CYYR1: variants seen among roughly 807,000 people sequenced by gnomAD.
The protein encoded by CYYR1 is cysteine and tyrosine rich 1, also known as cysteine and tyrosine-rich protein 1.
Under a neutral mutation model 15.2 loss-of-function variants are expected in CYYR1, and 14 were observed. The ratio of observed to expected loss-of-function variants is 0.92; its 90% CI spans 0.61 to 1.44. The LOEUF is 1.44. Among genes scored for constraint, CYYR1 ranks in the 40% most tolerant of loss-of-function variants. CYYR1 has a pLI of 0.00. For synonymous variants in CYYR1, 80 were observed against 77.4 expected, an observed-to-expected ratio of 1.03 and a Z score of -0.18; for missense variants, 228 against 209.5, an observed-to-expected ratio of 1.09 and a Z score of -0.54.
At chr21:26,531,546 T>C (rs1243295272) in intron 2 of CYYR1, among the ~76,000 whole-genome samples, 1 of 152,134 alleles carries the variant, frequency 6.6e-6, no homozygotes, top group Non-Finnish European at 1.5e-5. Flanking sequence ...ATTTTCTCTC[T>C]CCTGCTCCAA....
rs1980576238 is a variant in CYYR1, at chr21:26,565,831, C to G, written c.176+435G>C. 5.3e-5 allele frequency among the ~76,000 whole-genome samples: 8 copies of G among 152,226 alleles called. 2 individuals carry two copies. In the South Asian group the frequency reaches 1.7e-3, roughly 32 times the overall value. ...GTCTCAACTGTTTTTTATTCATAAC[C>G]TCTCTTTTTCCTGACATCTACTGGA... On this transcript the variant is annotated intron_variant, in intron 2 of 3. Coordinates refer to ENST00000652641, the MANE Select transcript of CYYR1 (RefSeq NM_001320768.2).
intron 2 of CYYR1, among the ~76,000 whole-genome samples, chr21:26,498,410 T>C (rs866233513): frequency 6.6e-6 from 1 of 152,244 alleles, no homozygotes; most frequent in South Asian, 2.1e-4. Context: ...GAAAAGAGTA[T>C]TCAAGGAGAG....
In CYYR1 at chr21:26,573,095, G is replaced by C. The variant is rs1488605233; in HGVS notation, c.-155C>G. On this transcript the variant is annotated 5_prime_UTR_variant, in exon 1 of 4. Coordinates refer to ENST00000652641, the MANE Select transcript of CYYR1 (RefSeq NM_001320768.2). ...CCTAGGGAGCCTTCCAAGGGAGCCC[G>C]GGCCGGGCGCGTCCCGGGCCAGCGA... 6.6e-7 allele frequency: 1 copy of C among 1,525,688 alleles called. No individual in the cohort carries two copies. Among genetic ancestry groups the C allele is most frequent in the Admixed American group, 2.0e-5 (1 of 49,202 alleles). 94.5% of individuals were successfully genotyped at this position (1,525,688 alleles called of 1,614,324 possible). A position where few individuals can be genotyped will look rare whatever the true frequency, so the allele number is the denominator to read the frequency against.
At chr21:26,561,227 C>G (rs1020118715) in intron 2 of CYYR1, among the ~76,000 whole-genome samples, 1 of 152,020 alleles carries the variant, frequency 6.6e-6, no homozygotes, top group African/African-American at 2.4e-5. Context: ...AAGACTCCCA[C>G]AAGCTTTGAT....
Position 26,468,361 on chromosome 21 carries a change from A to G in CYYR1, c.*140T>C. On this transcript the variant is annotated 3_prime_UTR_variant, in exon 4 of 4. Coordinates refer to ENST00000652641, the MANE Select transcript of CYYR1 (RefSeq NM_001320768.2). ...GCAGAGTAGAAATCCTATATCTCCT[A>G]GCAGGGATATTCCACCTGACACATT... 1 of 718,164 alleles carries G rather than the reference A, an allele frequency of 1.4e-6. No homozygotes were observed. The highest frequency in any genetic ancestry group is 1.5e-5 in the South Asian group (1 of 66,942). The allele number at this position is 718,164 out of a possible 1,614,324, so 44.5% of individuals were successfully genotyped here.
At chr21:26,496,082 C>T (rs950736622) in intron 2 of CYYR1, among the ~76,000 whole-genome samples, 7 of 152,228 alleles carry the variant, frequency 4.6e-5, no homozygotes, top group African/African-American at 9.6e-5. Context: ...AATTAAATCA[C>T]AAAAATGCTG....
intron 2 of CYYR1, chr21:26,550,251 G>C (rs1979288789): frequency 6.6e-6 from 1 of 152,132 alleles, no homozygotes; most frequent in South Asian, 2.1e-4. Context: ...GAACTTAATT[G>C]ATAAATGTTG....
At chr21:26,567,954 C>T (rs1254634289) in intron 1 of CYYR1, 2 of 152,166 alleles carry the variant, frequency 1.3e-5, no homozygotes, top group Non-Finnish European at 2.9e-5. Context: ...TTTTACATTA[C>T]AGATTGTCAA....
chr21:26,538,300 T>A (rs1978329047), intron 2 of CYYR1, among the ~76,000 whole-genome samples: 1 of 152,140 alleles, frequency 6.6e-6, no homozygotes, highest in Admixed American at 6.6e-5. Flanking sequence ...AATCTTTGAG[T>A]TTTTCGTCTA....
chr21:26,531,826 G>A (rs565584145), intron 2 of CYYR1, among the ~76,000 whole-genome samples: 14 of 152,216 alleles, frequency 9.2e-5, no homozygotes, highest in South Asian at 4.1e-4. Flanking sequence ...CTTGAACAGC[G>A]TGCTAGCCAG....
intron 2 of CYYR1, 113 bp downstream of exon 2, chr21:26,566,153 A>G (rs1980598794): frequency 7.0e-6 from 5 of 714,530 alleles, no homozygotes; most frequent in Non-Finnish European, 1.2e-5. Context: ...CATGTCAATA[A>G]CCAATCTTGA....
chr21:26,492,882 G>A (rs896134161), intron 2 of CYYR1, among the ~76,000 whole-genome samples: 5 of 152,088 alleles, frequency 3.3e-5, no homozygotes, highest in South Asian at 2.1e-4. Context: ...TGCAAACTAG[G>A]TTCTATGAGA....
intron 1 of CYYR1, among the ~76,000 whole-genome samples, chr21:26,571,686 T>C (rs2123753974): frequency 6.6e-6 from 1 of 152,344 alleles, no homozygotes; most frequent in East Asian, 1.9e-4. Flanking sequence ...GTTGACTCTG[T>C]TAATCCCTCA....
At chr21:26,546,459 G>C (rs1978984354) in intron 2 of CYYR1, among the ~76,000 whole-genome samples, 1 of 152,174 alleles carries the variant, frequency 6.6e-6, no homozygotes, top group African/African-American at 2.4e-5. Context: ...GGTGTGGTGG[G>C]CTGTTGATCA....
chr21:26,483,059 AT>A (rs1206022993), intron 2 of CYYR1, among the ~76,000 whole-genome samples: 1 of 151,920 alleles, frequency 6.6e-6, no homozygotes, highest in African/African-American at 2.4e-5. Context: ...TTCTGGATCG[AT>A]TCTCTAACTC....
intron 2 of CYYR1, among the ~76,000 whole-genome samples, chr21:26,535,380 C>T (rs190495629): frequency 2.6e-5 from 4 of 152,102 alleles, no homozygotes; most frequent in Admixed American, 2.0e-4. Context: ...ACGAGTAGGC[C>T]GCTTTAAGAG....
rs1979629588 is a variant in CYYR1 at position 26,554,549 on chromosome 21, G to C, written c.176+11717C>G. ...TAATTAGCTGCTTTTGCAGTTATCA[G>C]ACTGCAATCACATTTGATTAAGGGC... On this transcript the variant is annotated intron_variant, in intron 2 of 3. Coordinates refer to ENST00000652641, the MANE Select transcript of CYYR1 (RefSeq NM_001320768.2). Among the ~76,000 whole-genome samples the C allele has an allele frequency of 1.3e-5, 2 of 152,016 alleles. 1 individual carries two copies. The highest frequency in any genetic ancestry group is 4.2e-4 in the South Asian group (2 of 4,816).
chr21:26,511,482 G>A (rs2065647386), intron 2 of CYYR1, among the ~76,000 whole-genome samples: 1 of 152,178 alleles, frequency 6.6e-6, no homozygotes, highest in Non-Finnish European at 1.5e-5. Context: ...GATGCCCATA[G>A]TCATATGCTG....
At chr21:26,563,615 C>A (rs1241644458) in intron 2 of CYYR1, among the ~76,000 whole-genome samples, 1 of 120,494 alleles carries the variant, frequency 8.3e-6, no homozygotes, top group Non-Finnish European at 2.0e-5. Flanking sequence ...GGAGAGCAAA[C>A]TGAAAAAAAT....
Sources: allele counts gnomAD v4.1 joint callset (sites outside exome capture counted in the v4.1 genomes callset), GRCh38; gene constraint gnomAD v4.1.1; transcripts MANE v1.5; gene names NCBI Gene and HGNC (gene_info 2026-07-23, HGNC 2026-07-21).